The following PPP6R3 variants were observed in gnomAD, a reference collection of about 807,000 sequenced individuals.
The protein encoded by PPP6R3 is protein phosphatase 6 regulatory subunit 3, also known as serine/threonine-protein phosphatase 6 regulatory subunit 3.
Under a neutral mutation model 110.7 loss-of-function variants are expected in PPP6R3, and 38 were observed. That is an observed-to-expected ratio of 0.34 (90% CI 0.26 to 0.45). The LOEUF is 0.45. Among genes scored for constraint, PPP6R3 ranks in the 20% least tolerant of loss-of-function variants. The pLI, the probability that PPP6R3 is intolerant of heterozygous loss-of-function variation, is 1.00. For synonymous variants in PPP6R3, 369 were observed against 373.5 expected, an observed-to-expected ratio of 0.99 and a Z score of 0.14; for missense variants, 870 against 1,062.4, an observed-to-expected ratio of 0.82 and a Z score of 2.52.
chr11:68,557,098 G>A (rs1219562632), intron 7 of PPP6R3, among the ~76,000 whole-genome samples: 1 of 152,172 alleles, frequency 6.6e-6, no homozygotes, highest in African/African-American at 2.4e-5. Flanking sequence ...CTCCACCTGG[G>A]GTGAGGCTGC....
chr11:68,549,551 G>A (rs1285157599), intron 5 of PPP6R3, among the ~76,000 whole-genome samples: 2 of 152,134 alleles, frequency 1.3e-5, no homozygotes, highest in Non-Finnish European at 2.9e-5. Flanking sequence ...ACCTTAAATT[G>A]GGACACCTGT....
At chr11:68,515,723 G>T (rs528753787) in intron 1 of PPP6R3, among the ~76,000 whole-genome samples, 31 of 152,150 alleles carry the variant, frequency 2.0e-4, no homozygotes, top group African/African-American at 7.2e-4. Context: ...GTCAATTCAG[G>T]GTCCCACCCT....
intron 8 of PPP6R3, among the ~76,000 whole-genome samples, chr11:68,562,141 TC>T (rs750911920): frequency 5.9e-5 from 9 of 152,206 alleles, no homozygotes; most frequent in Non-Finnish European, 1.2e-4. Flanking sequence ...TAATTGCATT[TC>T]TATGTACTAG....
Position 68,461,416 on chromosome 11 carries a change from C to T in PPP6R3, c.-158+589C>T, listed in dbSNP as rs370298607. Among the ~76,000 whole-genome samples, 4 of 147,792 alleles carry T rather than the reference C, an allele frequency of 2.7e-5. No homozygotes were observed. The East Asian group carries it at 6.2e-4, about 23-fold the overall frequency. On this transcript the variant is annotated intron_variant, in intron 1 of 23. Transcript: ENST00000393800. The stretch of plus-strand genomic sequence containing the variant: ...GTTCCGAGGCTCCCAGTACCCTTCC[C>T]AGTGGCTTTTTAACTCCTGTGAGGT...
At chr11:68,563,071 G>A (rs1162834908) in intron 8 of PPP6R3, among the ~76,000 whole-genome samples, 1 of 151,544 alleles carries the variant, frequency 6.6e-6, no homozygotes, top group Non-Finnish European at 1.5e-5. Context: ...AGGCTGAGGG[G>A]GGAGGATCAC....
At chr11:68,544,265 C>G (rs78014180) in intron 3 of PPP6R3, among the ~76,000 whole-genome samples, 5,616 of 152,212 alleles carry the variant, frequency 0.037, 142 homozygotes, top group Middle Eastern at 0.12. Flanking sequence ...GCCTTGGTAG[C>G]CCAGGCTGAT....
chr11:68,475,286 A>G (rs2098820476), intron 1 of PPP6R3, among the ~76,000 whole-genome samples: 1 of 152,226 alleles, frequency 6.6e-6, no homozygotes, highest in African/African-American at 2.4e-5. Context: ...TTAGTACAGA[A>G]CAAAATGAAG....
chr11:68,540,534 A>G (rs1217704479), intron 3 of PPP6R3, among the ~76,000 whole-genome samples: 1 of 152,194 alleles, frequency 6.6e-6, no homozygotes, highest in Non-Finnish European at 1.5e-5. Context: ...CACCATTGTC[A>G]TTGATAACAT....
chr11:68,461,450 T>C (rs952424645), intron 1 of PPP6R3, among the ~76,000 whole-genome samples: 8 of 141,884 alleles, frequency 5.6e-5, no homozygotes, highest in Non-Finnish European at 1.1e-4. Flanking sequence ...GTGGCTTGTA[T>C]GTAAACTGTC....
chr11:68,589,369 TG>T (rs2153845654), intron 16 of PPP6R3, among the ~76,000 whole-genome samples: 1 of 152,252 alleles, frequency 6.6e-6, no homozygotes, highest in Admixed American at 6.5e-5. Flanking sequence ...TTGGGTTTTT[TG>T]CAAGAGCCAG....
chr11:68,529,696 G>T (rs2099225766), intron 2 of PPP6R3, among the ~76,000 whole-genome samples: 2 of 152,172 alleles, frequency 1.3e-5, no homozygotes, highest in Non-Finnish European at 2.9e-5. Context: ...TCGTTTTCTT[G>T]TGATCTACTT....
At chr11:68,534,098 ACT>A (rs1232966995) in intron 2 of PPP6R3, among the ~76,000 whole-genome samples, 3 of 152,104 alleles carry the variant, frequency 2.0e-5, no homozygotes, top group Admixed American at 2.0e-4. Context: ...AATGGAGGAA[ACT>A]CTGTCATGTG....
intron 8 of PPP6R3, among the ~76,000 whole-genome samples, chr11:68,561,541 T>C (rs1446334783): frequency 6.6e-6 from 1 of 152,228 alleles, no homozygotes; most frequent in Non-Finnish European, 1.5e-5. Context: ...AGTCTAACAG[T>C]ATATTGTAAG....
intron 1 of PPP6R3, among the ~76,000 whole-genome samples, chr11:68,478,251 G>A (rs1048614872): frequency 6.6e-6 from 1 of 152,114 alleles, no homozygotes; most frequent in East Asian, 1.9e-4. Flanking sequence ...CCCGGCCCAG[G>A]CTGGTCTTTT....
chr11:68,593,551 C>T lies in PPP6R3; in HGVS notation c.1916+1845C>T, dbSNP rs114550861. 8.3e-3 allele frequency among the ~76,000 whole-genome samples: 1,266 copies of T among 151,942 alleles called. 20 individuals carry two copies. The highest frequency in any genetic ancestry group is 0.029 in the African/African-American group (1,198 of 41,378). On this transcript the variant is annotated intron_variant, in intron 18 of 23. Coordinates refer to ENST00000393800, the MANE Select transcript of PPP6R3 (RefSeq NM_001164161.2). ...TAAAATAGTCACTAAAATAACAAAA[C>T]GAAAAGTTATTGTTAATAAGCCAAC... is the stretch of plus-strand genomic sequence containing the variant.
At chr11:68,498,458 G>A (rs1228990245) in intron 1 of PPP6R3, among the ~76,000 whole-genome samples, 2 of 152,078 alleles carry the variant, frequency 1.3e-5, no homozygotes, top group Non-Finnish European at 2.9e-5. Flanking sequence ...ATTTTCATAA[G>A]CTGAAATCCA....
At chr11:68,577,271 CGTT>C (rs780817201) in intron 14 of PPP6R3, among the ~76,000 whole-genome samples, 249 of 152,262 alleles carry the variant, frequency 1.6e-3, no homozygotes, top group Non-Finnish European at 3.2e-3. Flanking sequence ...CTCGGACTAT[CGTT>C]TAACTTGAGT....
In PPP6R3 at chr11:68,523,024, G is replaced by A. The variant is rs184089012; in HGVS notation, c.-7+3373G>A. On this transcript the variant is annotated intron_variant, in intron 2 of 23. Coordinates refer to ENST00000393800, the MANE Select transcript of PPP6R3 (RefSeq NM_001164161.2). ...ACATTTCTAAATAATTTGCCTATAT[G>A]TAGCTGTTTGTAATCTACTTGGCTT... Among the ~76,000 whole-genome samples the A allele has an allele frequency of 5.4e-3, 821 of 152,298 alleles. 4 individuals carry two copies. Among genetic ancestry groups the A allele is most frequent in the Non-Finnish European group, 8.1e-3 (548 of 68,020 alleles).
chr11:68,531,333 T>TTATTTATG (rs1330664507), intron 2 of PPP6R3, among the ~76,000 whole-genome samples: 3 of 150,522 alleles, frequency 2.0e-5, no homozygotes, highest in African/African-American at 7.3e-5. Context: ...ATTTATTTAT[T>TTATTTATG]TATTTATTTA....
Sources: allele counts gnomAD v4.1 joint callset (sites outside exome capture counted in the v4.1 genomes callset), GRCh38; gene constraint gnomAD v4.1.1; transcripts MANE v1.5; gene names NCBI Gene and HGNC (gene_info 2026-07-23, HGNC 2026-07-21).